Variants in DPYSL2 observed in about 807,000 individuals in gnomAD.
DPYSL2 encodes the protein dihydropyrimidinase-related protein 2.
DPYSL2 carries 13 observed loss-of-function variants against 69.9 expected under a neutral mutation model. The ratio of observed to expected loss-of-function variants is 0.19; its 90% CI spans 0.12 to 0.30. The LOEUF (loss-of-function observed/expected upper bound fraction) is 0.30, where lower values mean the gene tolerates loss of function less well. Ranked by LOEUF, DPYSL2 falls within the 10% of genes least tolerant of loss-of-function variation. DPYSL2 has a pLI of 1.00. For synonymous variants in DPYSL2, 326 were observed against 359.1 expected, an observed-to-expected ratio of 0.91 and a Z score of 1.04; for missense variants, 587 against 918.9, an observed-to-expected ratio of 0.64 and a Z score of 4.67.
Position 26,654,296 on chromosome 8 carries a change from T to A in DPYSL2, c.1942+899T>A, listed in dbSNP as rs1415432844. 1.3e-5 allele frequency among the ~76,000 whole-genome samples: 2 copies of A among 152,218 alleles called. No homozygotes were observed. Among genetic ancestry groups the A allele is most frequent in the Non-Finnish European group, 2.9e-5 (2 of 68,044 alleles). The stretch of plus-strand genomic sequence containing the variant: ...CTTGGTGAGAGGAAAGGGTTCAGAT[T>A]TTTAAGTTTCCTTGCTTGAAACTTC... On this transcript the variant is annotated intron_variant, in intron 13 of 13. Transcript: ENST00000521913. The surrounding 1 kb of genome is among the most constrained non-coding windows in gnomAD (Gnocchi z 5.0).
rs532934208 is a variant in DPYSL2 at position 26,517,993 on chromosome 8, T to C, written c.354+3314T>C. On this transcript the variant is annotated intron_variant, in intron 1 of 13. Transcript: ENST00000521913. This position sits in a 1 kb window ranked among gnomAD's most constrained non-coding sequence, Gnocchi z 4.2. ...GCATGCCCCTTCTAGACCTTTCTTC[T>C]TCCAAAGGGCAACAGGTTCTAAAAT... 2.6e-5 allele frequency among the ~76,000 whole-genome samples: 4 copies of C among 152,342 alleles called. No individual in the cohort carries two copies. The highest frequency in any genetic ancestry group is 9.6e-5 in the African/African-American group (4 of 41,580).
intron 7 of DPYSL2, among the ~76,000 whole-genome samples, chr8:26,631,649 G>A (rs1156478477): frequency 6.6e-6 from 1 of 152,184 alleles, no homozygotes; most frequent in Non-Finnish European, 1.5e-5. Context: ...TCTCCTTGAG[G>A]GCTGGCAGAT....
intron 2 of DPYSL2, 109 bp from the exon 3 acceptor site, chr8:26,583,690 C>A: frequency 1.0e-6 from 1 of 1,004,834 alleles, no homozygotes; most frequent in African/African-American, 1.6e-5. Flanking sequence ...ATCTGAAAAG[C>A]CCACGGCACA....
intron 4 of DPYSL2, among the ~76,000 whole-genome samples, chr8:26,625,799 A>C (rs1336619977): frequency 6.6e-5 from 10 of 152,258 alleles, no homozygotes. Context: ...TGGTAGAGGC[A>C]GCTTAAAAAA....
chr8:26,628,345 G>T (rs17322303), intron 7 of DPYSL2, among the ~76,000 whole-genome samples: 20,538 of 152,210 alleles, frequency 0.13, 1,613 homozygotes, highest in Non-Finnish European at 0.18. Flanking sequence ...GAAGGCGTGT[G>T]GGGAATTGTT....
At position 26,647,854 on chromosome 8, in the gene DPYSL2, C is replaced by T. The variant is rs1049109633; in HGVS notation, c.1596+54C>T. 5.2e-6 allele frequency: 8 copies of T among 1,544,656 alleles called. No homozygotes were observed. In the Admixed American group the frequency reaches 7.9e-5, roughly 15 times the overall value. ...TCCAAACGAATTACAGTCACAGAGA[C>T]ACAGACGGAGGGAGAGCCCCAGGGT... On this transcript the variant is annotated intron_variant, in intron 11 of 13. Transcript: ENST00000521913. The surrounding 1 kb of genome is among the most constrained non-coding windows in gnomAD (Gnocchi z 5.1).
chr8:26,604,880 G>A (rs949792871), intron 3 of DPYSL2, among the ~76,000 whole-genome samples: 1 of 151,936 alleles, frequency 6.6e-6, no homozygotes, highest in Non-Finnish European at 1.5e-5. Flanking sequence ...TGGCCAGGCT[G>A]GTCTCCTGAC....
In DPYSL2 at chr8:26,643,503, C is replaced by T. The variant is rs768077249; in HGVS notation, c.1191C>T (p.Ser397=). ...SLGTDGSHYW[S]KNWAKAAAFV... ...GAACGGACGGCTCCCATTACTGGAG[C>T]AAGAACTGGGCCAAGGCTGCTGCCT... Residue 397 remains serine (S), a synonymous_variant, in exon 9 of 14, where the codon AGC becomes AGT. Transcript: ENST00000521913. This position sits in a 1 kb window ranked among gnomAD's most constrained non-coding sequence, Gnocchi z 6.5. 1.4e-5 allele frequency: 22 copies of T among 1,613,276 alleles called. No individual in the cohort carries two copies. The African/African-American group carries it at 2.4e-4, about 18-fold the overall frequency.
At position 26,651,107 on chromosome 8, in the gene DPYSL2, T is replaced by C. The variant is rs146843201; in HGVS notation, c.1597-1150T>C. On this transcript the variant is annotated intron_variant, in intron 11 of 13. Coordinates refer to ENST00000521913, the MANE Select transcript of DPYSL2 (RefSeq NM_001197293.3). ...TCTCAGTAATCCAAGTGCAGAGTCC[T>C]CTTCCCTCCCTGCTGGCGCCTCTCT... Among the ~76,000 whole-genome samples, 8 of 152,348 alleles carry C rather than the reference T, an allele frequency of 5.3e-5. No individual in the cohort carries two copies. In the East Asian group the frequency reaches 1.4e-3, roughly 26 times the overall value.
chr8:26,589,420 C>T (rs1801673958), intron 3 of DPYSL2, among the ~76,000 whole-genome samples: 1 of 152,226 alleles, frequency 6.6e-6, no homozygotes, highest in African/African-American at 2.4e-5. Context: ...TCCTCAGAGG[C>T]ACTCTGTTAA....
chr8:26,608,306 G>A (rs1264039390), intron 3 of DPYSL2, among the ~76,000 whole-genome samples: 3 of 152,198 alleles, frequency 2.0e-5, no homozygotes, highest in African/African-American at 7.2e-5. Context: ...CATAGTAATA[G>A]TGACTTTTTT....
At chr8:26,655,005 C>G (rs1320923601) in intron 13 of DPYSL2, among the ~76,000 whole-genome samples, 8 of 151,840 alleles carry the variant, frequency 5.3e-5, no homozygotes, top group Non-Finnish European at 1.2e-4. Context: ...TCACGCCTGG[C>G]TAATTTTTTA....
chr8:26,524,801 C>CAAAAAAAAAA (rs753822230), intron 1 of DPYSL2, among the ~76,000 whole-genome samples: 2 of 41,110 alleles, frequency 4.9e-5, no homozygotes, highest in Admixed American at 4.4e-4. Context: ...GACTCTGTCT[C>CAAAAAAAAAA]AAAAAAAAAA....
rs567568330 is a variant in DPYSL2, at chr8:26,648,697, C to T, written c.1596+897C>T. Among the ~76,000 whole-genome samples, 24 of 152,336 alleles carry T rather than the reference C, an allele frequency of 1.6e-4. No individual in the cohort carries two copies. Among genetic ancestry groups the T allele is most frequent in the Admixed American group, 1.2e-3 (19 of 15,310 alleles). ...AGCTCAGGCCAGCAAGCACTGACAC[C>T]TCCCCCACACACCACGACAGCTTAG... is the stretch of plus-strand genomic sequence containing the variant. On this transcript the variant is annotated intron_variant, in intron 11 of 13. Transcript: ENST00000521913. This position sits in a 1 kb window ranked among gnomAD's most constrained non-coding sequence, Gnocchi z 4.3.
chr8:26,525,368 A>C (rs1279488965), intron 1 of DPYSL2, among the ~76,000 whole-genome samples: 1 of 152,132 alleles, frequency 6.6e-6, no homozygotes, highest in Non-Finnish European at 1.5e-5. Flanking sequence ...CTACAGGCAC[A>C]TGCCACCATG....
At chr8:26,548,265 G>A (rs540356695) in intron 1 of DPYSL2, 11 of 213,770 alleles carry the variant, frequency 5.1e-5, no homozygotes, top group African/African-American at 2.3e-4. Context: ...TGGTGCACAG[G>A]CAAGATGAGG....
At chr8:26,622,167 CTCTT>C (rs148003837) in intron 3 of DPYSL2, among the ~76,000 whole-genome samples, 1,003 of 74,798 alleles carry the variant, frequency 0.013, 27 homozygotes, top group African/African-American at 0.027. Flanking sequence ...CCCTCTCTCT[CTCTT>C]TCTTTCTTTC....
rs1800911367 is a variant in DPYSL2 at position 26,554,299 on chromosome 8, C to T, written c.355-27670C>T. On this transcript the variant is annotated intron_variant, in intron 1 of 13. Transcript: ENST00000521913. Reference sequence around the variant, plus strand: ...GAGATACTGAGCTTTTTTTCACATGCTTTTTGGCTGCCTGTATGTCTTCTT... The same window carrying T: ...GAGATACTGAGCTTTTTTTCACATGTTTTTTGGCTGCCTGTATGTCTTCTT... Among the ~76,000 whole-genome samples, 4 of 150,504 alleles carry T rather than the reference C, an allele frequency of 2.7e-5. 1 individual carries two copies. In the South Asian group the frequency reaches 8.4e-4, roughly 31 times the overall value.
intron 1 of DPYSL2, among the ~76,000 whole-genome samples, chr8:26,537,611 T>TACACACACACACACACACACACCCACAC (rs1800614100): frequency 6.8e-6 from 1 of 147,546 alleles, no homozygotes; most frequent in African/African-American, 2.5e-5. Context: ...ATTCTCTCTC[T>TACACACACACACACACACACACCCACAC]ACACACACAC....
Sources: gnomAD v4.1 joint callset for allele counts (sites outside exome capture counted in the v4.1 genomes callset) on GRCh38, gnomAD v4.1.1 for gene constraint, Gnocchi (gnomAD v3.1) non-coding constraint, MANE v1.5 for transcripts, NCBI Gene and HGNC (gene_info 2026-07-23, HGNC 2026-07-21) for gene names.